CDH13: variants seen among roughly 807,000 people sequenced by gnomAD.
The protein encoded by CDH13 is cadherin 13.
A neutral mutation model predicts 63.8 loss-of-function variants in CDH13; 24 were observed. The observed-to-expected ratio is 0.38, with a 90% confidence interval of 0.27 to 0.53. CDH13 has a LOEUF of 0.53. Ranked by LOEUF, CDH13 falls within the 20% of genes least tolerant of loss-of-function variation. CDH13 has a pLI of 0.85. For synonymous variants in CDH13, 503 were observed against 355.3 expected (o/e 1.42, Z -4.67); for missense variants, 1,049 against 903.1 (o/e 1.16, Z -2.07).
intron 7 of CDH13, among the ~76,000 whole-genome samples, chr16:83,502,883 G>A (rs1243222532): frequency 2.0e-5 from 3 of 152,152 alleles, no homozygotes; most frequent in African/African-American, 7.2e-5. Context: ...ATCGACAGTG[G>A]GGTCTCCCTA....
intron 8 of CDH13, among the ~76,000 whole-genome samples, chr16:83,665,097 A>G (rs11866876): frequency 2.0e-5 from 3 of 152,188 alleles, no homozygotes; most frequent in Non-Finnish European, 4.4e-5. Context: ...GATAGGATTG[A>G]CATCATTTGC....
intron 2 of CDH13, among the ~76,000 whole-genome samples, chr16:83,015,675 A>ATGTG (rs1198071503): frequency 2.0e-5 from 1 of 51,214 alleles, no homozygotes; most frequent in African/African-American, 6.7e-5. Flanking sequence ...GTGTGTGTGT[A>ATGTG]TGTATATATA....
intron 10 of CDH13, among the ~76,000 whole-genome samples, chr16:83,697,490 T>A (rs1905560386): frequency 1.3e-5 from 2 of 152,240 alleles, no homozygotes; most frequent in Admixed American, 1.3e-4. Context: ...AGGCATGAGT[T>A]ACAGCTCTGC....
chr16:82,929,681 A>AAAAAAAAAAAAAAAC (rs2042420354), intron 2 of CDH13, among the ~76,000 whole-genome samples: 1 of 140,164 alleles, frequency 7.1e-6, no homozygotes, highest in Non-Finnish European at 1.6e-5. Context: ...AAAAAAAAAA[A>AAAAAAAAAAAAAAAC]AAGAAGACAG....
At chr16:83,209,131 A>T (rs1268863472) in intron 4 of CDH13, among the ~76,000 whole-genome samples, 3 of 152,134 alleles carry the variant, frequency 2.0e-5, no homozygotes, top group Non-Finnish European at 4.4e-5. Context: ...CATACAGGGG[A>T]ATCCAGTGGT....
intron 2 of CDH13, among the ~76,000 whole-genome samples, chr16:83,006,511 AGCGCTTGACT>A (rs1913513026): frequency 6.6e-6 from 1 of 152,024 alleles, no homozygotes; most frequent in African/African-American, 2.4e-5. Flanking sequence ...AGACTAGCCA[AGCGCTTGACT>A]GCTCAGTGCA....
intron 5 of CDH13, among the ~76,000 whole-genome samples, chr16:83,306,497 C>A (rs2089882301): frequency 6.6e-6 from 1 of 152,182 alleles, no homozygotes; most frequent in Non-Finnish European, 1.5e-5. Flanking sequence ...ATTCCCTTGG[C>A]ATGTGCCCAC....
chr16:82,962,468 G>A (rs886437034), intron 2 of CDH13, among the ~76,000 whole-genome samples: 19 of 152,302 alleles, frequency 1.2e-4, no homozygotes, highest in African/African-American at 4.6e-4. Context: ...GGCAGCAATA[G>A]GAAACCGATC....
At chr16:83,018,951 C>T (rs1915077365) in intron 2 of CDH13, among the ~76,000 whole-genome samples, 1 of 152,174 alleles carries the variant, frequency 6.6e-6, no homozygotes, top group Non-Finnish European at 1.5e-5. Context: ...TTGGAAGATG[C>T]TCTGGGTGAG....
chr16:82,900,515 C>T (rs932088103), intron 2 of CDH13, among the ~76,000 whole-genome samples: 1 of 152,162 alleles, frequency 6.6e-6, no homozygotes, highest in Non-Finnish European at 1.5e-5. Flanking sequence ...GAAATAACTT[C>T]AGAGGTGGGT....
intron 7 of CDH13, among the ~76,000 whole-genome samples, chr16:83,558,057 C>G (rs376315575): frequency 7.9e-4 from 121 of 152,256 alleles, no homozygotes; most frequent in African/African-American, 2.7e-3. Flanking sequence ...GGGCACCCAG[C>G]AATGCTCACA....
intron 1 of CDH13, among the ~76,000 whole-genome samples, chr16:82,670,304 G>C (rs1389885219): frequency 6.6e-6 from 1 of 152,198 alleles, no homozygotes; most frequent in Non-Finnish European, 1.5e-5. Context: ...AGGCGACTTA[G>C]AACAATGGCT....
At chr16:82,969,430 A>G (rs1305419632) in intron 2 of CDH13, among the ~76,000 whole-genome samples, 2 of 149,872 alleles carry the variant, frequency 1.3e-5, no homozygotes, top group African/African-American at 4.9e-5. Context: ...TTAGCTGAAT[A>G]CCTGCCTTAG....
intron 1 of CDH13, among the ~76,000 whole-genome samples, chr16:82,758,131 C>T (rs1023324764): frequency 1.3e-5 from 2 of 152,068 alleles, no homozygotes; most frequent in African/African-American, 4.8e-5. Flanking sequence ...GGGACATTTT[C>T]CTTGGACCAA....
intron 7 of CDH13, among the ~76,000 whole-genome samples, chr16:83,490,602 A>G (rs57582932): frequency 0.012 from 1,779 of 152,272 alleles, 29 homozygotes; most frequent in African/African-American, 0.041. Flanking sequence ...ACCATAGTCA[A>G]TGCTCAAACA....
At chr16:82,897,634 C>T (rs1332550224) in intron 2 of CDH13, among the ~76,000 whole-genome samples, 1 of 152,236 alleles carries the variant, frequency 6.6e-6, no homozygotes, top group Non-Finnish European at 1.5e-5. Context: ...TGACTCAGCT[C>T]TGTCTTCTGA....
intron 6 of CDH13, among the ~76,000 whole-genome samples, chr16:83,347,709 T>C (rs2090869076): frequency 6.6e-6 from 1 of 152,150 alleles, no homozygotes; most frequent in South Asian, 2.1e-4. Flanking sequence ...AAAGGCACAA[T>C]CAGTGTCTAC....
At chr16:83,007,915 C>G (rs1020194219) in intron 2 of CDH13, among the ~76,000 whole-genome samples, 2 of 151,884 alleles carry the variant, frequency 1.3e-5, no homozygotes, top group African/African-American at 2.4e-5. Context: ...CTATACTTGG[C>G]CAAACAACAT....
rs3784986 is a variant in CDH13, at chr16:83,744,552, C to A, written c.1539-3556C>A. 9.1e-3 allele frequency among the ~76,000 whole-genome samples: 1,382 copies of A among 152,318 alleles called. 61 individuals carry two copies. Among genetic ancestry groups the A allele is most frequent in the Admixed American group, 0.066 (1,016 of 15,298 alleles). On this transcript the variant is annotated intron_variant, in intron 10 of 13. Coordinates refer to ENST00000567109, the MANE Select transcript of CDH13 (RefSeq NM_001257.5). The stretch of plus-strand genomic sequence containing the variant: ...CTGTCCCCTGTCACAGTTGCAGCAT[C>A]AAAACATTGTTCCCCTAGGCTCTGC...
Sources: gnomAD v4.1 joint callset for allele counts (sites outside exome capture counted in the v4.1 genomes callset) on GRCh38, gnomAD v4.1.1 for gene constraint, MANE v1.5 for transcripts, NCBI Gene and HGNC (gene_info 2026-07-23, HGNC 2026-07-21) for gene names.